The following TAF13 variants were observed in gnomAD, a reference collection of about 807,000 sequenced individuals.
TAF13 encodes transcription initiation factor TFIID subunit 13.
In TAF13, 9 loss-of-function variants were observed where a neutral mutation model predicts 18.7. The observed-to-expected ratio is 0.48, with a 90% CI of 0.29 to 0.84. The LOEUF (loss-of-function observed/expected upper bound fraction) is 0.84. Ranked by LOEUF, TAF13 falls within the 40% of genes least tolerant of loss-of-function variation. The probability of loss-of-function intolerance (pLI) is 0.08; values close to 1 mark genes in which losing one functional copy is unlikely to be tolerated. For missense variants in TAF13, 105 were observed against 146.5 expected, an observed-to-expected ratio of 0.72 and a Z score of 1.46; for synonymous variants, 49 against 44.1, an observed-to-expected ratio of 1.11 and a Z score of -0.44.
rs910165862 is a variant in TAF13, at chr1:109,075,934, T to C, written c.14A>G (p.Glu5Gly). 6.2e-7 allele frequency: 1 copy of C among 1,614,210 alleles called. No individual in the cohort carries two copies. The highest frequency in any genetic ancestry group is 8.5e-7 in the Non-Finnish European group (1 of 1,180,040). MADE[E>G]EDPTFEEENE... The stretch of plus-strand genomic sequence containing the variant: ...ACGGTCACTCACCGTGGGGTCTTCT[T>C]CCTCATCTGCCATCCCACTAGCACG... Residue 5 changes from glutamate to glycine, a missense_variant, in exon 1 of 4, where the codon GAA (glutamate) becomes GGA (glycine). Physicochemically the swap from Glu to Gly is moderately conservative, Grantham distance 98. Transcript: ENST00000338366.
intron 2 of TAF13, among the ~76,000 whole-genome samples, chr1:109,074,786 A>G (rs1029659378): frequency 4.6e-5 from 7 of 152,040 alleles, no homozygotes; most frequent in Admixed American, 3.9e-4. Flanking sequence ...TCTCAAAAAA[A>G]AAAAAAAAGC....
Position 109,066,137 on chromosome 1 carries a change from T to A in TAF13, c.202A>T (p.Met68Leu). The change falls in exon 3 of 4, where the codon ATG becomes TTG. Residue 68 changes from methionine to leucine, a missense_variant and splice_region_variant. Met to Leu is a conservative substitution (Grantham distance 15, BLOSUM62 2). Transcript: ENST00000338366. ...GACCAGTTAGGAAAGAATCTTACCA[T>A]TTCAGTGATAAACTCTATGACAAGA... is the stretch of plus-strand genomic sequence containing the variant. ...EDLVIEFITEMTHKAMSIGRQ... is the reference protein window; with the variant it reads ...EDLVIEFITELTHKAMSIGRQ... 6.2e-7 allele frequency: 1 copy of A among 1,605,410 alleles called. No individual in the cohort carries two copies. Among genetic ancestry groups the A allele is most frequent in the Non-Finnish European group, 8.5e-7 (1 of 1,177,290 alleles).
chr1:109,071,443 GAAAA>G (rs1164517886), intron 2 of TAF13, among the ~76,000 whole-genome samples: 34 of 124,792 alleles, frequency 2.7e-4, no homozygotes, highest in African/African-American at 1.0e-3. Context: ...TCCATCTCAG[GAAAA>G]AAAAAAAAAA....
chr1:109,071,383 G>A (rs1188138215), intron 2 of TAF13, among the ~76,000 whole-genome samples: 1 of 151,708 alleles, frequency 6.6e-6, no homozygotes, highest in Admixed American at 6.6e-5. Context: ...GGAGGTTGCA[G>A]TGAGCCGAGA....
chr1:109,071,297 C>T (rs1307222911), intron 2 of TAF13, among the ~76,000 whole-genome samples: 2 of 151,610 alleles, frequency 1.3e-5, no homozygotes, highest in Non-Finnish European at 1.5e-5. Context: ...AAAAATTAGC[C>T]GGGCATGGTG....
At chr1:109,074,010 C>T (rs1324496686) in intron 2 of TAF13, among the ~76,000 whole-genome samples, 3 of 152,152 alleles carry the variant, frequency 2.0e-5, no homozygotes, top group African/African-American at 4.8e-5. Flanking sequence ...GGAGCGCCTC[C>T]GCCAGGCCGC....
intron 2 of TAF13, among the ~76,000 whole-genome samples, chr1:109,069,909 CT>C (rs199653369): frequency 1.3e-5 from 2 of 151,758 alleles, no homozygotes; most frequent in African/African-American, 2.4e-5. Context: ...GGATTCTGTA[CT>C]TTTTTTTGCC....
chr1:109,075,426 A>G (rs766190209), intron 1 of TAF13, among the ~76,000 whole-genome samples: 31 of 152,338 alleles, frequency 2.0e-4, no homozygotes, highest in Middle Eastern at 6.8e-3. Context: ...AGCAAAACTA[A>G]TATTTCCTAT....
chr1:109,065,626 A>T (rs1261314360), intron 3 of TAF13, among the ~76,000 whole-genome samples: 1 of 152,032 alleles, frequency 6.6e-6, no homozygotes, highest in Non-Finnish European at 1.5e-5. Flanking sequence ...TTATGTCCTT[A>T]TAAAAAATGC....
chr1:109,073,888 T>G (rs1399953424), intron 2 of TAF13, among the ~76,000 whole-genome samples: 1 of 150,760 alleles, frequency 6.6e-6, no homozygotes, highest in Non-Finnish European at 1.5e-5. Flanking sequence ...GAGGAGCGCC[T>G]CTGCTCGGCC....
At chr1:109,071,957 AATATATATATATATATATACACACAT>A (rs1664063217) in intron 2 of TAF13, among the ~76,000 whole-genome samples, 24 of 87,710 alleles carry the variant, frequency 2.7e-4, no homozygotes, top group Non-Finnish European at 3.7e-4. Context: ...TCAAAAAGAA[AATATATATATATATATATACACACAT>A]ATATATATAT....
intron 2 of TAF13, among the ~76,000 whole-genome samples, chr1:109,069,051 A>C (rs1664001069): frequency 6.6e-6 from 1 of 152,144 alleles, no homozygotes; most frequent in Non-Finnish European, 1.5e-5. Context: ...CATACGGAAA[A>C]ATTTTATACA....
At chr1:109,066,319 G>T (rs1663950574) in intron 2 of TAF13, 87 bp from the exon 3 acceptor site, 2 of 994,792 alleles carry the variant, frequency 2.0e-6, no homozygotes, top group South Asian at 3.3e-5. Flanking sequence ...AATGAACCAA[G>T]TTATAGATAA....
rs184652844 is a variant in TAF13 at position 109,066,748 on chromosome 1, G to A, written c.107-516C>T. Among the ~76,000 whole-genome samples, 582 of 152,122 alleles carry A rather than the reference G, an allele frequency of 3.8e-3. 7 individuals carry two copies. The highest frequency in any genetic ancestry group is 6.6e-3 in the Non-Finnish European group (451 of 67,988). On this transcript the variant is annotated intron_variant, in intron 2 of 3. Coordinates refer to ENST00000338366, the MANE Select transcript of TAF13 (RefSeq NM_005645.4). Reference sequence around the variant, plus strand: ...TTTGTTTTTCTTGAGACAGAGTCTCGCTCTGTCGCCCAAGCTGGAGTGCAG... The same window carrying A: ...TTTGTTTTTCTTGAGACAGAGTCTCACTCTGTCGCCCAAGCTGGAGTGCAG...
intron 2 of TAF13, among the ~76,000 whole-genome samples, chr1:109,071,065 G>C (rs935776175): frequency 4.3e-4 from 65 of 152,318 alleles, no homozygotes; most frequent in African/African-American, 1.5e-3. Flanking sequence ...GGGAGGCTGA[G>C]GCAGGAGGAT....
At chr1:109,069,523 T>G (rs1028576770) in intron 2 of TAF13, among the ~76,000 whole-genome samples, 16 of 152,074 alleles carry the variant, frequency 1.1e-4, no homozygotes, top group African/African-American at 3.4e-4. Flanking sequence ...CCATCTGAGG[T>G]TGGTTGAATC....
chr1:109,071,985 T>A (rs1387181797), intron 2 of TAF13, among the ~76,000 whole-genome samples: 173 of 14,632 alleles, frequency 0.012, 21 homozygotes, highest in Middle Eastern at 0.062. Context: ...TACACACATA[T>A]ATATATATAT....
chr1:109,068,907 CAGG>C (rs1487509374), intron 2 of TAF13, among the ~76,000 whole-genome samples: 1 of 152,126 alleles, frequency 6.6e-6, no homozygotes, highest in East Asian at 1.9e-4. Context: ...GAGGCTGAGG[CAGG>C]AGAATAGCTT....
intron 3 of TAF13, among the ~76,000 whole-genome samples, 197 bp from the exon 4 acceptor site, chr1:109,064,890 C>T (rs1225689689): frequency 1.3e-5 from 2 of 151,870 alleles, no homozygotes; most frequent in East Asian, 3.9e-4. Flanking sequence ...CTCCTTTATG[C>T]TTCACAGGCA....
Sources: gnomAD v4.1 joint callset for allele counts (sites outside exome capture counted in the v4.1 genomes callset) on GRCh38, gnomAD v4.1.1 for gene constraint, MANE v1.5 for transcripts, NCBI Gene and HGNC (gene_info 2026-07-23, HGNC 2026-07-21) for gene names.